SPDYE16: variants seen among roughly 807,000 people sequenced by gnomAD.
SPDYE16 encodes speedy protein E16.
In SPDYE16, 5 loss-of-function variants were observed where a neutral mutation model predicts 40.1. That is an observed-to-expected ratio of 0.12 (90% confidence interval 0.07 to 0.26). SPDYE16 has a LOEUF of 0.26. Ranked by LOEUF, SPDYE16 falls within the 10% of genes least tolerant of loss-of-function variation. The pLI, the probability that SPDYE16 is intolerant of heterozygous loss-of-function variation, is 1.00. For synonymous variants in SPDYE16, 40 were observed against 154.2 expected, an observed-to-expected ratio of 0.26 and a Z score of 5.49; for missense variants, 98 against 409.8, an observed-to-expected ratio of 0.24 and a Z score of 6.57.
intron 5 of SPDYE16, among the ~76,000 whole-genome samples, chr7:76,536,510 T>G (rs1254895543): frequency 1.1e-5 from 1 of 91,682 alleles, no homozygotes; most frequent in South Asian, 3.5e-4. Context: ...TTGGAGGGGG[T>G]GTGTCTAGGT....
At chr7:76,540,869 G>C (rs3972831) in intron 2 of SPDYE16, among the ~76,000 whole-genome samples, 1 of 144,816 alleles carries the variant, frequency 6.9e-6, no homozygotes, top group South Asian at 2.2e-4. Flanking sequence ...AAGTTCTGGG[G>C]TTACAGGTGT....
At position 76,531,831 on chromosome 7, in the gene SPDYE16, T is replaced by A. The variant is rs2116705314; in HGVS notation, c.*1009A>T. 1.2e-5 allele frequency: 1 copy of A among 81,710 alleles called. No individual in the cohort carries two copies. The highest frequency in any genetic ancestry group is 2.9e-4 in the East Asian group (1 of 3,392). 5.1% of individuals were successfully genotyped at this position (81,710 alleles called of 1,614,324 possible). On this transcript the variant is annotated 3_prime_UTR_variant, in exon 9 of 9. Transcript: ENST00000633306. ...GTAATAATATTCAAATAAATAAATA[T>A]ATTTAATATTTCAATAAATAAAATA...
At chr7:76,534,757 TAAACAAACAAAC>T (rs758293481) in intron 6 of SPDYE16, among the ~76,000 whole-genome samples, 1 of 139,832 alleles carries the variant, frequency 7.2e-6, no homozygotes, top group Non-Finnish European at 1.5e-5. Context: ...TCTGTCTCAA[TAAACAAACAAAC>T]AAACAAACAA....
Position 76,541,460 on chromosome 7 carries a change from G to T in SPDYE16, c.-1C>A, listed in dbSNP as rs1813183456. The stretch of plus-strand genomic sequence containing the variant: ...GGAACCTAGTCTCCGTTCTGTCCAT[G>T]GCCTTCTTCTGGACACTGCTAGGAT... On this transcript the variant is annotated 5_prime_UTR_variant, in exon 2 of 9. Transcript: ENST00000633306. 1 of 1,534,332 alleles carries T rather than the reference G, an allele frequency of 6.5e-7. No homozygotes were observed. The highest frequency in any genetic ancestry group is 2.0e-5 in the Admixed American group (1 of 50,888).
intron 3 of SPDYE16, among the ~76,000 whole-genome samples, chr7:76,539,383 C>T (rs1813116152): frequency 1.0e-5 from 1 of 97,966 alleles, no homozygotes; most frequent in African/African-American, 5.5e-5. Context: ...TGCCTCAGTA[C>T]CTCCATTCTT....
In SPDYE16 at chr7:76,543,159, C is replaced by CA. The variant is rs995772642; in HGVS notation, c.-422+16dup. 2.8e-5 allele frequency among the ~76,000 whole-genome samples: 4 copies of CA among 144,646 alleles called. No homozygotes were observed. Among genetic ancestry groups the CA allele is most frequent in the South Asian group, 4.5e-4 (2 of 4,448 alleles). The allele number at this position is 144,646 out of a possible 152,430, so 94.9% of individuals were successfully genotyped here. On this transcript the variant is annotated intron_variant, in intron 1 of 8. Coordinates refer to ENST00000633306, the MANE Select transcript of SPDYE16 (RefSeq NM_001394943.1). Reference sequence around the variant, plus strand: ...GGGCAACAAGAGCAAAACTCCATCTCAAAAAAAATAAAGAACCTGCGAGTG... The same window carrying CA: ...GGGCAACAAGAGCAAAACTCCATCTCAAAAAAAAATAAAGAACCTGCGAGTG...
chr7:76,542,002 T>C (rs376314268), intron 1 of SPDYE16, among the ~76,000 whole-genome samples, 122 bp from the exon 2 acceptor site: 1,457 of 69,204 alleles, frequency 0.021, 11 homozygotes, highest in African/African-American at 0.073. Flanking sequence ...GAGATTATCA[T>C]GTACAAGAGT....
chr7:76,541,396 G>A lies in SPDYE16; in HGVS notation c.64C>T (p.Arg22Cys), dbSNP rs189426752. 37 of 1,534,564 alleles carry A rather than the reference G, an allele frequency of 2.4e-5. 1 individual carries two copies. The highest frequency in any genetic ancestry group is 7.3e-5 in the East Asian group (3 of 40,880). ...GQIKGKITTS[R>C]QPHPQNEQSP... The stretch of plus-strand genomic sequence containing the variant: ...TGCTCATTCTGGGGGTGAGGTTGAC[G>A]GCTGGTCGTGATCTTTCCCTTAATC... The change falls in exon 2 of 9, where the codon CGT (arginine) becomes TGT (cysteine). Residue 22 changes from arginine (R) to cysteine (C), a missense_variant. Transcript: ENST00000633306.
intron 2 of SPDYE16, 27 bp downstream of exon 2, chr7:76,541,273 C>T (rs1261611660): frequency 2.6e-6 from 4 of 1,532,766 alleles, no homozygotes; most frequent in Non-Finnish European, 3.5e-6. Context: ...AATCCTATCC[C>T]ACCTCTTCTT....
Position 76,541,738 on chromosome 7 carries a change from C to T in SPDYE16, c.-279G>A, listed in dbSNP as rs1813189438. Reference sequence around the variant, plus strand: ...ATGGTATCTCCTGCCACTGTCCCAACCTCAGACCATTGTCCAAAAGCATCT... The same window carrying T: ...ATGGTATCTCCTGCCACTGTCCCAATCTCAGACCATTGTCCAAAAGCATCT... On this transcript the variant is annotated 5_prime_UTR_variant, in exon 2 of 9. Coordinates refer to ENST00000633306, the MANE Select transcript of SPDYE16 (RefSeq NM_001394943.1). Among the ~76,000 whole-genome samples, 2 of 144,710 alleles carry T rather than the reference C, an allele frequency of 1.4e-5. No homozygotes were observed. Among genetic ancestry groups the T allele is most frequent in the African/African-American group, 5.1e-5 (2 of 39,282 alleles). 94.9% of individuals were successfully genotyped at this position (144,710 alleles called of 152,430 possible).
rs1170505717 is a variant in SPDYE16 at position 76,543,157 on chromosome 7, CT to C, written c.-422+18del. 6.9e-6 allele frequency among the ~76,000 whole-genome samples: 1 copy of C among 145,456 alleles called. No homozygotes were observed. Among genetic ancestry groups the C allele is most frequent in the Non-Finnish European group, 1.6e-5 (1 of 64,052 alleles). On this transcript the variant is annotated intron_variant, in intron 1 of 8. Transcript: ENST00000633306. ...CTGGGCAACAAGAGCAAAACTCCAT[CT>C]CAAAAAAAATAAAGAACCTGCGAGT...
chr7:76,541,276 C>T, intron 2 of SPDYE16, 24 bp downstream of exon 2: 1 of 1,533,180 alleles, frequency 6.5e-7, no homozygotes, highest in Non-Finnish European at 8.7e-7. Context: ...CCTATCCCAC[C>T]TCTTCTTCCA....
Position 76,541,355 on chromosome 7 carries a change from G to A in SPDYE16, c.105C>T (p.Ser35=), listed in dbSNP as rs1813179093. 23 of 1,534,860 alleles carry A rather than the reference G, an allele frequency of 1.5e-5. No homozygotes were observed. Among genetic ancestry groups the A allele is most frequent in the Non-Finnish European group, 2.0e-5 (23 of 1,146,654 alleles). ...CCTCCTGGAGGGAGTACCCCGAGGT[G>A]CTCCGCTGGGGACTCTGCTCATTCT... is the stretch of plus-strand genomic sequence containing the variant. ...HPQNEQSPQR[S]TSGYSLQEVV... Residue 35 remains serine (S), a synonymous_variant, in exon 2 of 9, where the codon AGC becomes AGT. Transcript: ENST00000633306.
chr7:76,538,347 T>G (rs3972912), intron 4 of SPDYE16, among the ~76,000 whole-genome samples: 2,357 of 108,262 alleles, frequency 0.022, 118 homozygotes, highest in African/African-American at 0.089. Context: ...ATCTCAGGCG[T>G]GAGCCACTGC....
At chr7:76,540,957 T>A (rs1236637658) in intron 2 of SPDYE16, among the ~76,000 whole-genome samples, 1 of 132,928 alleles carries the variant, frequency 7.5e-6, no homozygotes, top group Non-Finnish European at 1.5e-5. Context: ...CCGCTGACCC[T>A]TCTTTTCTTT....
At chr7:76,541,942 A>T (rs558734846) in intron 1 of SPDYE16, among the ~76,000 whole-genome samples, 62 bp from the exon 2 acceptor site, 1 of 147,400 alleles carries the variant, frequency 6.8e-6, no homozygotes, top group Non-Finnish European at 1.5e-5. Context: ...ATGAAACCTT[A>T]TAAGAGTGAG....
rs1210780807 is a variant in SPDYE16 at position 76,539,820 on chromosome 7, A to G, written c.379+308T>C. 1.8e-5 allele frequency among the ~76,000 whole-genome samples: 2 copies of G among 113,942 alleles called. 1 individual carries two copies. Among genetic ancestry groups the G allele is most frequent in the East Asian group, 4.6e-4 (2 of 4,302 alleles). 74.8% of individuals were successfully genotyped at this position (113,942 alleles called of 152,430 possible). ...CAGTGGTGCAGTCATAGCTCACTGC[A>G]GTCTCAAAGTCCTGAGTTCAAGCAA... On this transcript the variant is annotated intron_variant, in intron 3 of 8. Coordinates refer to ENST00000633306, the MANE Select transcript of SPDYE16 (RefSeq NM_001394943.1).
rs1563772873 is a variant in SPDYE16, at chr7:76,532,035, C to G, written c.*805G>C. 2 of 78,896 alleles carry G rather than the reference C, an allele frequency of 2.5e-5. No individual in the cohort carries two copies. Among genetic ancestry groups the G allele is most frequent in the Non-Finnish European group, 2.4e-5 (1 of 40,956 alleles). The allele number at this position is 78,896 out of a possible 1,614,324, so 4.9% of individuals were successfully genotyped here. ...TCTATCACCAGAATTATGTTTTTTT[C>G]TGGTGGGGAACTACCAATAGCTATA... On this transcript the variant is annotated 3_prime_UTR_variant, in exon 9 of 9. Coordinates refer to ENST00000633306, the MANE Select transcript of SPDYE16 (RefSeq NM_001394943.1).
rs3972921 is a variant in SPDYE16 at position 76,533,497 on chromosome 7, A to C, written c.*45+152T>G. ...CCTGAGTAGTTGGGAGTAGAGATGC[A>C]TCCCACGTCGCCTGGCTAATTTTTG... On this transcript the variant is annotated intron_variant, in intron 8 of 8. Coordinates refer to ENST00000633306, the MANE Select transcript of SPDYE16 (RefSeq NM_001394943.1). The C allele has an allele frequency of 1.5e-4, 112 of 766,382 alleles. 31 individuals are homozygous for C. Among genetic ancestry groups the C allele is most frequent in the African/African-American group, 2.8e-4 (6 of 21,808 alleles). The allele number at this position is 766,382 out of a possible 1,614,324, so 47.5% of individuals were successfully genotyped here. A position where few individuals can be genotyped will look rare whatever the true frequency, so the allele number is the denominator to read the frequency against.
Sources: allele counts gnomAD v4.1 joint callset (sites outside exome capture counted in the v4.1 genomes callset), GRCh38; gene constraint gnomAD v4.1.1; transcripts MANE v1.5; gene names NCBI Gene and HGNC (gene_info 2026-07-23, HGNC 2026-07-21).